Variants in BRINP3 observed in about 807,000 individuals in gnomAD.
The protein encoded by BRINP3 is BMP/retinoic acid inducible neural specific 3, also known as BMP/retinoic acid-inducible neural-specific protein 3.
In BRINP3, 19 loss-of-function variants were observed where a neutral mutation model predicts 71.0. The ratio of observed to expected loss-of-function variants is 0.27; its 90% CI spans 0.19 to 0.39. The LOEUF is 0.39. BRINP3 is among the 10% of genes least tolerant of loss of function. The pLI is 1.00. For missense variants in BRINP3, 959 were observed against 940.8 expected (o/e 1.02, Z -0.25); for synonymous variants, 380 against 337.7 (o/e 1.13, Z -1.37).
intron 2 of BRINP3, among the ~76,000 whole-genome samples, chr1:190,416,779 T>A (rs1194673633): frequency 1.3e-5 from 2 of 152,114 alleles, no homozygotes; most frequent in Non-Finnish European, 2.9e-5. Context: ...TTAGAGACCA[T>A]AAATTATTTT....
chr1:190,320,896 A>T (rs879343138), intron 2 of BRINP3, among the ~76,000 whole-genome samples: 5 of 152,116 alleles, frequency 3.3e-5, no homozygotes, highest in Non-Finnish European at 7.4e-5. Flanking sequence ...CAACATTTTC[A>T]TGAAACAATA....
At chr1:190,327,237 C>G (rs1424605492) in intron 2 of BRINP3, among the ~76,000 whole-genome samples, 1 of 146,836 alleles carries the variant, frequency 6.8e-6, no homozygotes, top group African/African-American at 2.5e-5. Flanking sequence ...CTCACTTGAA[C>G]CCAGGAGGCG....
chr1:190,275,174 C>T (rs189438573), intron 3 of BRINP3, among the ~76,000 whole-genome samples: 3 of 151,560 alleles, frequency 2.0e-5, no homozygotes, highest in African/African-American at 7.2e-5. Context: ...GGTTAGGTGG[C>T]AATGAATCTA....
intron 4 of BRINP3, among the ~76,000 whole-genome samples, chr1:190,256,847 G>A (rs1186091576): frequency 6.6e-6 from 1 of 152,166 alleles, no homozygotes; most frequent in Non-Finnish European, 1.5e-5. Context: ...AGTTTCTGCA[G>A]GTAGAACTTC....
chr1:190,266,332 C>T (rs1468646778), intron 3 of BRINP3, among the ~76,000 whole-genome samples: 1 of 152,108 alleles, frequency 6.6e-6, no homozygotes, highest in South Asian at 2.1e-4. Context: ...TAAGTAAGAG[C>T]TCTTACATGT....
chr1:190,235,389 C>T (rs1429700215), intron 4 of BRINP3, among the ~76,000 whole-genome samples: 1 of 151,986 alleles, frequency 6.6e-6, no homozygotes, highest in Non-Finnish European at 1.5e-5. Context: ...TAAAGCAGAG[C>T]AGTATTGTCA....
rs1652055822 is a variant in BRINP3 at position 190,105,291 on chromosome 1, A to G, written c.1185-6157T>C. ...CTTTGAGTCTCTCAAGAAAGTACAC[A>G]CACACACATACACACACACACACTT... On this transcript the variant is annotated intron_variant, in intron 7 of 7. Coordinates refer to ENST00000367462, the MANE Select transcript of BRINP3 (RefSeq NM_199051.3). 2.0e-5 allele frequency among the ~76,000 whole-genome samples: 3 copies of G among 152,090 alleles called. No homozygotes were observed. The South Asian group carries it at 6.2e-4, about 31-fold the overall frequency.
At chr1:190,369,745 A>T (rs1020684952) in intron 2 of BRINP3, among the ~76,000 whole-genome samples, 6 of 152,116 alleles carry the variant, frequency 3.9e-5, no homozygotes, top group Non-Finnish European at 8.8e-5. Flanking sequence ...GTCCAGGACA[A>T]GTTTTATAAC....
intron 2 of BRINP3, among the ~76,000 whole-genome samples, chr1:190,297,372 C>A (rs891565350): frequency 6.6e-6 from 1 of 151,134 alleles, no homozygotes. Context: ...AAAAAAAAAA[C>A]TCAAAAAAGA....
intron 6 of BRINP3, among the ~76,000 whole-genome samples, chr1:190,218,739 C>A (rs1242416147): frequency 6.6e-6 from 1 of 151,706 alleles, no homozygotes; most frequent in East Asian, 1.9e-4. Context: ...CCTCCCCCCA[C>A]CCTCCTTGTC....
intron 2 of BRINP3, among the ~76,000 whole-genome samples, chr1:190,434,754 G>A (rs535326562): frequency 6.6e-6 from 1 of 152,156 alleles, no homozygotes; most frequent in Non-Finnish European, 1.5e-5. Context: ...GCACCATGAA[G>A]GTAAAAACTT....
chr1:190,472,608 A>T (rs1474372038), intron 1 of BRINP3, among the ~76,000 whole-genome samples: 1 of 151,750 alleles, frequency 6.6e-6, no homozygotes, highest in Non-Finnish European at 1.5e-5. Flanking sequence ...CCTCTTTTAA[A>T]GATAATGTGG....
intron 6 of BRINP3, among the ~76,000 whole-genome samples, chr1:190,199,779 A>AAAAAAC (rs1482226988): frequency 1.3e-5 from 2 of 150,536 alleles, no homozygotes; most frequent in African/African-American, 2.5e-5. Context: ...AGGAAAAAAA[A>AAAAAAC]AAAAACAAAA....
chr1:190,101,886 G>T (rs2102245550), intron 7 of BRINP3, among the ~76,000 whole-genome samples: 1 of 152,274 alleles, frequency 6.6e-6, no homozygotes, highest in East Asian at 1.9e-4. Context: ...ACTTTTTTCA[G>T]CTTTCTGTCT....
rs114307176 is a variant in BRINP3 at position 190,215,275 on chromosome 1, C to A, written c.961+10807G>T. On this transcript the variant is annotated intron_variant, in intron 6 of 7. Coordinates refer to ENST00000367462, the MANE Select transcript of BRINP3 (RefSeq NM_199051.3). ...GTAATTCTGGATATCAATATAAGCT[C>A]AATCCCATACTTTGTGCATTACTAA... Among the ~76,000 whole-genome samples the A allele has an allele frequency of 2.7e-3, 405 of 151,854 alleles. 1 individual carries two copies. Among genetic ancestry groups the A allele is most frequent in the Non-Finnish European group, 4.0e-3 (272 of 67,868 alleles).
intron 2 of BRINP3, among the ~76,000 whole-genome samples, chr1:190,317,191 A>T (rs1409106015): frequency 6.8e-6 from 1 of 146,590 alleles, no homozygotes; most frequent in South Asian, 2.2e-4. Flanking sequence ...AAAAAAAAAA[A>T]AGTCTCTAAA....
At chr1:190,189,724 T>C (rs1009096723) in intron 6 of BRINP3, among the ~76,000 whole-genome samples, 1 of 152,178 alleles carries the variant, frequency 6.6e-6, no homozygotes, top group Non-Finnish European at 1.5e-5. Context: ...AAGAGTTATT[T>C]TGAATTCTTT....
intron 2 of BRINP3, among the ~76,000 whole-genome samples, chr1:190,413,088 T>C (rs1304533100): frequency 6.6e-6 from 1 of 152,194 alleles, no homozygotes; most frequent in Admixed American, 6.5e-5. Flanking sequence ...GACACTGTGT[T>C]TTGGCATTGT....
intron 1 of BRINP3, chr1:190,475,758 T>C (rs1438379452): frequency 6.6e-6 from 1 of 152,216 alleles, no homozygotes; most frequent in Non-Finnish European, 1.5e-5. Context: ...GCTTCAGGTA[T>C]AATACAGCAA....
Sources: allele counts gnomAD v4.1 joint callset (sites outside exome capture counted in the v4.1 genomes callset), GRCh38; gene constraint gnomAD v4.1.1; transcripts MANE v1.5; gene names NCBI Gene and HGNC (gene_info 2026-07-23, HGNC 2026-07-21).